Variants in CNTN2 observed in about 807,000 individuals in gnomAD.
CNTN2 encodes the protein contactin-2.
A neutral mutation model predicts 117.5 loss-of-function variants in CNTN2; 53 were observed. That is an observed-to-expected ratio of 0.45 (90% CI 0.36 to 0.57). The LOEUF (loss-of-function observed/expected upper bound fraction) is 0.57. Among genes scored for constraint, CNTN2 ranks in the 20% least tolerant of loss-of-function variants. The pLI is 0.00. For missense variants in CNTN2, 1,106 were observed against 1,404.3 expected, an observed-to-expected ratio of 0.79 and a Z score of 3.39; for synonymous variants, 530 against 561.7, an observed-to-expected ratio of 0.94 and a Z score of 0.80.
chr1:205,068,854 C>A (rs1336233979), intron 16 of CNTN2: 1 of 152,250 alleles, frequency 6.6e-6, no homozygotes, highest in African/African-American at 2.4e-5. Flanking sequence ...TGACCCCCAG[C>A]CAAGTTACTT....
At position 205,066,229 on chromosome 1, in the gene CNTN2, C is replaced by T. The variant is rs531282314; in HGVS notation, c.1817-212C>T. 34 of 630,450 alleles carry T rather than the reference C, an allele frequency of 5.4e-5. No individual in the cohort carries two copies. The South Asian group carries it at 6.5e-4, about 12-fold the overall frequency. 39.1% of individuals were successfully genotyped at this position (630,450 alleles called of 1,614,324 possible). ...TCCATGTGACAGCCTCTGTGAGCTC[C>T]CCCAGCCTTGAGACACATCCCTCCA... is the stretch of plus-strand genomic sequence containing the variant. On this transcript the variant is annotated intron_variant, in intron 14 of 22. Transcript: ENST00000331830.
At position 205,058,685 on chromosome 1, in the gene CNTN2, G is replaced by A. The variant is rs1653798796; in HGVS notation, c.487+22G>A. On this transcript the variant is annotated intron_variant, in intron 5 of 22. Transcript: ENST00000331830. The surrounding 1 kb of genome is among the most constrained non-coding windows in gnomAD (Gnocchi z 4.3). ...CCAGGTGAGTCCAGACCTGGGGCCA[G>A]GGTTAGAGAGGGCACAGGAAGGGCT... 1.3e-6 allele frequency: 2 copies of A among 1,579,476 alleles called. No individual in the cohort carries two copies. The highest frequency in any genetic ancestry group is 1.7e-6 in the Non-Finnish European group (2 of 1,152,242).
Position 205,073,026 on chromosome 1 carries a change from C to T in CNTN2, c.2845-42C>T, listed in dbSNP as rs772315808. The stretch of plus-strand genomic sequence containing the variant: ...AGCTGGGGATGACTCAACGATCAGC[C>T]CTGGTGTCAGGAAACTCCACCTGGA... On this transcript the variant is annotated intron_variant, in intron 21 of 22. Transcript: ENST00000331830. This position sits in a 1 kb window ranked among gnomAD's most constrained non-coding sequence, Gnocchi z 6.3. 2 of 1,608,630 alleles carry T rather than the reference C, an allele frequency of 1.2e-6. No individual in the cohort carries two copies. Among genetic ancestry groups the T allele is most frequent in the East Asian group, 2.2e-5 (1 of 44,834 alleles).
At position 205,073,414 on chromosome 1, in the gene CNTN2, C is replaced by G. The variant is rs1654697954; in HGVS notation, c.3013+178C>G. ...GCCTCGCCGCCACCTTTCTACCCAGCCCCCAGAACATCCCCGAGGGCCAGG... is the reference window on the plus strand; with the variant it reads ...GCCTCGCCGCCACCTTTCTACCCAGGCCCCAGAACATCCCCGAGGGCCAGG... On this transcript the variant is annotated intron_variant, in intron 22 of 22. Transcript: ENST00000331830. This position sits in a 1 kb window ranked among gnomAD's most constrained non-coding sequence, Gnocchi z 6.3. The G allele has an allele frequency of 1.2e-6, 1 of 838,490 alleles. No homozygotes were observed. Among genetic ancestry groups the G allele is most frequent in the African/African-American group, 1.7e-5 (1 of 58,396 alleles). 51.9% of individuals were successfully genotyped at this position (838,490 alleles called of 1,614,324 possible).
chr1:205,070,666 C>T (rs1305780210), intron 19 of CNTN2, 128 bp downstream of exon 19: 1 of 687,626 alleles, frequency 1.5e-6, no homozygotes, highest in South Asian at 1.7e-5. Flanking sequence ...AACTGAGCAT[C>T]CAGTCTGTGT....
chr1:205,067,112 A>T lies in CNTN2; in HGVS notation c.1987A>T (p.Ile663Phe). 1 of 1,610,912 alleles carries T rather than the reference A, an allele frequency of 6.2e-7. No homozygotes were observed. Among genetic ancestry groups the T allele is most frequent in the Non-Finnish European group, 8.5e-7 (1 of 1,178,592 alleles). ...WKQVRTNPAN[I>F]EGNAETAQVL... ...CTGGTGCCTTGCAGATCCTGCAAACATCGAGGGCAATGCCGAGACTGCACA... is the reference window on the plus strand; with the variant it reads ...CTGGTGCCTTGCAGATCCTGCAAACTTCGAGGGCAATGCCGAGACTGCACA... The change falls in exon 16 of 23, where the codon ATC (isoleucine) becomes TTC (phenylalanine). Residue 663 changes from isoleucine (I) to phenylalanine (F), a missense_variant. Coordinates refer to ENST00000331830, the MANE Select transcript of CNTN2 (RefSeq NM_005076.5).
rs567339490 is a variant in CNTN2 at position 205,074,128 on chromosome 1, G to A, written c.*363G>A. ...CCCTCTGGGACCCTATACGGACTCCGCCACTTGAGAGCAGTCCTAGGCCCG... is the reference window on the plus strand; with the variant it reads ...CCCTCTGGGACCCTATACGGACTCCACCACTTGAGAGCAGTCCTAGGCCCG... On this transcript the variant is annotated 3_prime_UTR_variant, in exon 23 of 23. Coordinates refer to ENST00000331830, the MANE Select transcript of CNTN2 (RefSeq NM_005076.5). 124 of 512,812 alleles carry A rather than the reference G, an allele frequency of 2.4e-4. No homozygotes were observed. The highest frequency in any genetic ancestry group is 2.2e-3 in the African/African-American group (115 of 53,128). The allele number at this position is 512,812 out of a possible 1,614,324, so 31.8% of individuals were successfully genotyped here. A position where few individuals can be genotyped will look rare whatever the true frequency, so the allele number is the denominator to read the frequency against.
intron 10 of CNTN2, among the ~76,000 whole-genome samples, chr1:205,063,904 G>A (rs571058593): frequency 2.0e-5 from 3 of 151,882 alleles, no homozygotes; most frequent in Non-Finnish European, 4.4e-5. Context: ...AAGAGAGAGA[G>A]AGAGAAAAAA....
intron 19 of CNTN2, 116 bp downstream of exon 19, chr1:205,070,654 C>A: frequency 1.4e-6 from 1 of 711,978 alleles, no homozygotes; most frequent in Non-Finnish European, 2.5e-6. Flanking sequence ...GCTGACATGG[C>A]AAACTGAGCA....
chr1:205,053,651 A>G (rs1035916755), intron 2 of CNTN2, among the ~76,000 whole-genome samples: 9 of 152,220 alleles, frequency 5.9e-5, no homozygotes, highest in African/African-American at 2.2e-4. Flanking sequence ...TTTTAAAAAT[A>G]ATTTCCTCAG....
intron 2 of CNTN2, among the ~76,000 whole-genome samples, chr1:205,054,906 T>TG (rs2096458641): frequency 2.0e-5 from 3 of 152,132 alleles, no homozygotes; most frequent in African/African-American, 7.2e-5. Flanking sequence ...GGGGAAAAGT[T>TG]ACCAGGACAG....
At chr1:205,046,565 G>A (rs1040647584) in intron 1 of CNTN2, among the ~76,000 whole-genome samples, 4 of 152,188 alleles carry the variant, frequency 2.6e-5, no homozygotes, top group African/African-American at 9.7e-5. Context: ...AGCTTGAGAG[G>A]AGGAGCAGGT....
intron 9 of CNTN2, 131 bp downstream of exon 9, chr1:205,062,132 T>C: frequency 1.7e-6 from 2 of 1,182,202 alleles, no homozygotes; most frequent in Non-Finnish European, 2.3e-6. Flanking sequence ...AGGGTGGTCC[T>C]AGGACCACCT....
chr1:205,059,625 C>T lies in CNTN2; in HGVS notation c.740C>T (p.Ala247Val). Residue 247 changes from alanine (A) to valine (V), a missense_variant, in exon 7 of 23, where the codon GCA becomes GTA. Ala to Val is a moderately conservative substitution (Grantham distance 64). Transcript: ENST00000331830. The surrounding 1 kb of genome is among the most constrained non-coding windows in gnomAD (Gnocchi z 5.6). ...FAPSIKARFP[A>V]ETYALVGQQV... ...CCCAGCATCAAGGCCCGGTTCCCAG[C>T]AGAGACCTATGCACTGGTGGGGCAG... The T allele has an allele frequency of 6.2e-7, 1 of 1,614,190 alleles. No individual in the cohort carries two copies. The highest frequency in any genetic ancestry group is 8.5e-7 in the Non-Finnish European group (1 of 1,180,026).
chr1:205,053,773 A>T (rs527895551), intron 2 of CNTN2, among the ~76,000 whole-genome samples: 2 of 152,254 alleles, frequency 1.3e-5, no homozygotes, highest in African/African-American at 4.8e-5. Context: ...GTCCCCTGAC[A>T]TGAGCAGACA....
intron 18 of CNTN2, 175 bp downstream of exon 18, chr1:205,070,236 G>C (rs1337035908): frequency 4.0e-6 from 3 of 750,020 alleles, no homozygotes; most frequent in Non-Finnish European, 6.5e-6. Context: ...GTCTCCCTTC[G>C]GGGTTAGGAA....
At position 205,059,336 on chromosome 1, in the gene CNTN2, G is replaced by T. The variant is rs1228399994; in HGVS notation, c.697+43G>T. The T allele has an allele frequency of 8.9e-6, 14 of 1,568,390 alleles. No homozygotes were observed. The highest frequency in any genetic ancestry group is 9.6e-6 in the Non-Finnish European group (11 of 1,145,612). The stretch of plus-strand genomic sequence containing the variant: ...GTGGCTGGAGGGAGGGAACTGGAAG[G>T]GTCAGCGGGCATTAGGAAAAGGGTT... On this transcript the variant is annotated intron_variant, in intron 6 of 22. Coordinates refer to ENST00000331830, the MANE Select transcript of CNTN2 (RefSeq NM_005076.5). The surrounding 1 kb of genome is among the most constrained non-coding windows in gnomAD (Gnocchi z 5.6).
chr1:205,065,820 A>G lies in CNTN2; in HGVS notation c.1727A>G (p.Asn576Ser), dbSNP rs1269194324. The G allele has an allele frequency of 1.2e-6, 2 of 1,613,862 alleles. No individual in the cohort carries two copies. The highest frequency in any genetic ancestry group is 3.3e-5 in the Admixed American group (2 of 59,994). ...KETIGDLTIL[N>S]AQLRHGGKYT... is the part of the protein sequence containing the mutation. The stretch of plus-strand genomic sequence containing the variant: ...ACCATTGGGGATCTGACCATCCTGA[A>G]CGCCCAGCTGCGCCATGGGGGGAAG... The change falls in exon 14 of 23, where the codon AAC becomes AGC. Residue 576 changes from asparagine to serine, a missense_variant. Transcript: ENST00000331830. The surrounding 1 kb of genome is among the most constrained non-coding windows in gnomAD (Gnocchi z 4.1).
At chr1:205,070,300 C>G (rs1046193530) in intron 18 of CNTN2, 126 bp from the exon 19 acceptor site, 58 of 728,552 alleles carry the variant, frequency 8.0e-5, no homozygotes, top group Non-Finnish European at 1.2e-4. Flanking sequence ...TTGGGGGGCT[C>G]CCACTCGGCC....
Sources: gnomAD v4.1 joint callset for allele counts (sites outside exome capture counted in the v4.1 genomes callset) on GRCh38, gnomAD v4.1.1 for gene constraint, Gnocchi (gnomAD v3.1) non-coding constraint, MANE v1.5 for transcripts, NCBI Gene and HGNC (gene_info 2026-07-23, HGNC 2026-07-21) for gene names.